Variants in PCDHGC3 observed in about 807,000 individuals in gnomAD.
PCDHGC3 encodes the protein protocadherin gamma subfamily C, 3.
A neutral mutation model predicts 59.2 loss-of-function variants in PCDHGC3; 26 were observed. That is an observed-to-expected ratio of 0.44 (90% confidence interval 0.32 to 0.61). PCDHGC3 has a LOEUF of 0.61. Ranked by LOEUF, PCDHGC3 falls within the 20% of genes least tolerant of loss-of-function variation. The probability of loss-of-function intolerance (pLI) is 0.05; values close to 1 mark genes in which losing one functional copy is unlikely to be tolerated. For synonymous variants in PCDHGC3, 487 were observed against 519.7 expected (o/e 0.94, Z 0.86); for missense variants, 1,080 against 1,221.8 (o/e 0.88, Z 1.73).
At chr5:141,510,844 C>A in intron 3 of PCDHGC3, 103 bp from the exon 4 acceptor site, 1 of 1,592,684 alleles carries the variant, frequency 6.3e-7, no homozygotes, top group South Asian at 1.1e-5. Context: ...GTGGTCAAGG[C>A]CCAGGGTGCT....
rs754299511 is a variant in PCDHGC3 at position 141,476,353 on chromosome 5, G to A, written c.237G>A (p.Val79=). 4 of 1,614,202 alleles carry A rather than the reference G, an allele frequency of 2.5e-6. No individual in the cohort carries two copies. Among genetic ancestry groups the A allele is most frequent in the South Asian group, 1.1e-5 (1 of 91,082 alleles). Residue 79 remains valine, a synonymous_variant, in exon 1 of 4, where the codon GTG becomes GTA. Coordinates refer to ENST00000308177, the MANE Select transcript of PCDHGC3 (RefSeq NM_002588.4). The surrounding 1 kb of genome is among the most constrained non-coding windows in gnomAD (Gnocchi z 7.6). The stretch of plus-strand genomic sequence containing the variant: ...GAGCTAGCCGAAGATTCTTTGAGGT[G>A]AACCGGGAGACCGGAGAGATGTTTG... ...VSGASRRFFE[V]NRETGEMFVN...
chr5:141,490,565 T>C lies in PCDHGC3; in HGVS notation c.2431-4242T>C. ...CTACACAAACATCTCACCATCAGGC[T>C]CAACATTTCAGATGTCAATGACAAT... On this transcript the variant is annotated intron_variant, in intron 1 of 3. Coordinates refer to ENST00000308177, the MANE Select transcript of PCDHGC3 (RefSeq NM_002588.4). This position sits in a 1 kb window ranked among gnomAD's most constrained non-coding sequence, Gnocchi z 5.4. 8 of 1,614,116 alleles carry C rather than the reference T, an allele frequency of 5.0e-6. No individual in the cohort carries two copies. Among genetic ancestry groups the C allele is most frequent in the Non-Finnish European group, 6.8e-6 (8 of 1,180,024 alleles).
Position 141,510,964 on chromosome 5 carries a change from T to C in PCDHGC3, c.2596T>C (p.Ser866Pro), listed in dbSNP as rs1237904575. 6.2e-7 allele frequency: 1 copy of C among 1,614,084 alleles called. No individual in the cohort carries two copies. Among genetic ancestry groups the C allele is most frequent in the South Asian group, 1.1e-5 (1 of 91,082 alleles). The change falls in exon 4 of 4, where the codon TCC becomes CCC. Residue 866 changes from serine to proline, a missense_variant. Coordinates refer to ENST00000308177, the MANE Select transcript of PCDHGC3 (RefSeq NM_002588.4). ...CTCTGCAGAAGCTGCTGATGGGAGC[T>C]CCACCCTGGGAGGGGGTGCCGGCAC... is the stretch of plus-strand genomic sequence containing the variant. The part of the protein sequence containing the change: ...ASASEAADGS[S>P]TLGGGAGTMG...
In PCDHGC3 at chr5:141,490,113, C is replaced by G. The variant is rs2099696295; in HGVS notation, c.2431-4694C>G. Reference sequence around the variant, plus strand: ...ACCACACATCTGAGGCAGTGCGGAACCTCTTTGGCCTAGACCCTAGCAGTG... The same window carrying G: ...ACCACACATCTGAGGCAGTGCGGAAGCTCTTTGGCCTAGACCCTAGCAGTG... On this transcript the variant is annotated intron_variant, in intron 1 of 3. Transcript: ENST00000308177. This position sits in a 1 kb window ranked among gnomAD's most constrained non-coding sequence, Gnocchi z 5.4. 1 of 1,614,258 alleles carries G rather than the reference C, an allele frequency of 6.2e-7. No individual in the cohort carries two copies.
rs1393603398 is a variant in PCDHGC3, at chr5:141,478,198, A to G, written c.2082A>G (p.Leu694=). ...AGAAAAAAAATCTCACCTTTTATCT[A>G]CTTCTTTCTCTAATCCTGGTTTCTG... The part of the protein sequence containing the change: ...REQKKNLTFY[L]LLSLILVSVG... Residue 694 remains leucine (L), a synonymous_variant, in exon 1 of 4, where the codon CTA becomes CTG. Coordinates refer to ENST00000308177, the MANE Select transcript of PCDHGC3 (RefSeq NM_002588.4). 1 of 1,613,864 alleles carries G rather than the reference A, an allele frequency of 6.2e-7. No individual in the cohort carries two copies. Among genetic ancestry groups the G allele is most frequent in the East Asian group, 2.2e-5 (1 of 44,870 alleles).
chr5:141,490,993 C>G lies in PCDHGC3; in HGVS notation c.2431-3814C>G, dbSNP rs746618787. 1.9e-6 allele frequency: 3 copies of G among 1,614,140 alleles called. No individual in the cohort carries two copies. Among genetic ancestry groups the G allele is most frequent in the Non-Finnish European group, 2.5e-6 (3 of 1,180,030 alleles). On this transcript the variant is annotated intron_variant, in intron 1 of 3. Coordinates refer to ENST00000308177, the MANE Select transcript of PCDHGC3 (RefSeq NM_002588.4). The surrounding 1 kb of genome is among the most constrained non-coding windows in gnomAD (Gnocchi z 5.4). ...CCAGCGTCTCCCTCGCTCTGCTCCT[C>G]CTGGCTCCTTGGTCACCAAGGTGAC...
At chr5:141,508,383 T>C (rs1169318572) in intron 3 of PCDHGC3, 1 of 152,236 alleles carries the variant, frequency 6.6e-6, no homozygotes, top group Non-Finnish European at 1.5e-5. Flanking sequence ...CTCAGATTTA[T>C]AGATGGGAAA....
In PCDHGC3 at chr5:141,486,077, C is replaced by T; in HGVS notation, c.2430+7531C>T. 6.2e-7 allele frequency: 1 copy of T among 1,614,186 alleles called. No individual in the cohort carries two copies. The highest frequency in any genetic ancestry group is 8.5e-7 in the Non-Finnish European group (1 of 1,180,024). ...TAGCCTGCACCCCACTACTGGAAAG[C>T]TTACTCTTTTGGGGCCCCTAGACTT... On this transcript the variant is annotated intron_variant, in intron 1 of 3. Coordinates refer to ENST00000308177, the MANE Select transcript of PCDHGC3 (RefSeq NM_002588.4). The surrounding 1 kb of genome is among the most constrained non-coding windows in gnomAD (Gnocchi z 5.0).
chr5:141,490,062 C>A lies in PCDHGC3; in HGVS notation c.2431-4745C>A, dbSNP rs758715682. 6.2e-7 allele frequency: 1 copy of A among 1,614,218 alleles called. No homozygotes were observed. The highest frequency in any genetic ancestry group is 1.1e-5 in the South Asian group (1 of 91,082). ...CCACTGATCCAGACGAGGGCACCAA[C>A]GGCCAACTAGACTATTCTTTTGGAG... On this transcript the variant is annotated intron_variant, in intron 1 of 3. Coordinates refer to ENST00000308177, the MANE Select transcript of PCDHGC3 (RefSeq NM_002588.4). The surrounding 1 kb of genome is among the most constrained non-coding windows in gnomAD (Gnocchi z 5.4).
At chr5:141,484,872 G>T in intron 1 of PCDHGC3, 1 of 319,608 alleles carries the variant, frequency 3.1e-6, no homozygotes, top group Non-Finnish European at 5.8e-6. Context: ...GGAGCGTGGA[G>T]GATAGGGTGG....
intron 1 of PCDHGC3, among the ~76,000 whole-genome samples, chr5:141,481,556 G>T (rs553126587): frequency 6.6e-6 from 1 of 152,148 alleles, no homozygotes; most frequent in African/African-American, 2.4e-5. Flanking sequence ...AGTGGCTCAC[G>T]CCTGTAATCC....
intron 3 of PCDHGC3, among the ~76,000 whole-genome samples, chr5:141,509,049 C>G (rs1384134813): frequency 3.3e-5 from 5 of 152,150 alleles, no homozygotes; most frequent in Non-Finnish European, 5.9e-5. Context: ...TCCCCCGCCC[C>G]CAGAAAGCTC....
In PCDHGC3 at chr5:141,486,070, T is replaced by G; in HGVS notation, c.2430+7524T>G. The G allele has an allele frequency of 6.2e-7, 1 of 1,614,158 alleles. No individual in the cohort carries two copies. Among genetic ancestry groups the G allele is most frequent in the Non-Finnish European group, 8.5e-7 (1 of 1,180,010 alleles). On this transcript the variant is annotated intron_variant, in intron 1 of 3. Coordinates refer to ENST00000308177, the MANE Select transcript of PCDHGC3 (RefSeq NM_002588.4). This position sits in a 1 kb window ranked among gnomAD's most constrained non-coding sequence, Gnocchi z 5.0. ...ACCTCTTTAGCCTGCACCCCACTAC[T>G]GGAAAGCTTACTCTTTTGGGGCCCC...
chr5:141,486,019 T>C lies in PCDHGC3; in HGVS notation c.2430+7473T>C, dbSNP rs2078071. 3.2e-3 allele frequency: 5,143 copies of C among 1,613,986 alleles called. 141 individuals carry two copies. In the South Asian group the frequency reaches 0.046, roughly 14 times the overall value. ...GTGGTAACGTCACCTTTTATTTCAG[T>C]GGTCATACCCCTGATCGTGTAAGAA... On this transcript the variant is annotated intron_variant, in intron 1 of 3. Transcript: ENST00000308177. The surrounding 1 kb of genome is among the most constrained non-coding windows in gnomAD (Gnocchi z 5.0).
chr5:141,485,358 G>T lies in PCDHGC3; in HGVS notation c.2430+6812G>T. 1.2e-6 allele frequency: 2 copies of T among 1,614,100 alleles called. No individual in the cohort carries two copies. Among genetic ancestry groups the T allele is most frequent in the Non-Finnish European group, 1.7e-6 (2 of 1,180,006 alleles). On this transcript the variant is annotated intron_variant, in intron 1 of 3. Coordinates refer to ENST00000308177, the MANE Select transcript of PCDHGC3 (RefSeq NM_002588.4). This position sits in a 1 kb window ranked among gnomAD's most constrained non-coding sequence, Gnocchi z 5.7. ...CTGGATACGGACAGTCTGTCAGCTC[G>T]CAGGCTGCAGGTCGCTGGAGAGGTG...
At chr5:141,498,137 G>T (rs1319960274) in intron 2 of PCDHGC3, among the ~76,000 whole-genome samples, 1 of 152,204 alleles carries the variant, frequency 6.6e-6, no homozygotes, top group Non-Finnish European at 1.5e-5. Context: ...GGAGCAGGAG[G>T]ACATCCTGGA....
At position 141,476,791 on chromosome 5, in the gene PCDHGC3, C is replaced by A. The variant is rs766227340; in HGVS notation, c.675C>A (p.Ser225=). 1 of 1,613,512 alleles carries A rather than the reference C, an allele frequency of 6.2e-7. No individual in the cohort carries two copies. Among genetic ancestry groups the A allele is most frequent in the Non-Finnish European group, 8.5e-7 (1 of 1,180,014 alleles). Residue 225 remains serine (S), a synonymous_variant, in exon 1 of 4, where the codon TCC becomes TCA. Transcript: ENST00000308177. This position sits in a 1 kb window ranked among gnomAD's most constrained non-coding sequence, Gnocchi z 7.6. ...TGGACGGAGGGACCCCAGCTCTCTC[C>A]GCCAGCCTGCCTATTCACATCAAGG... The part of the protein sequence containing the change: ...TALDGGTPAL[S]ASLPIHIKVL...
intron 3 of PCDHGC3, among the ~76,000 whole-genome samples, chr5:141,505,995 C>T (rs1041284805): frequency 5.3e-5 from 8 of 152,142 alleles, no homozygotes; most frequent in African/African-American, 1.4e-4. Flanking sequence ...CCTCTTTATG[C>T]GAGGCTCCTC....
rs1267722283 is a variant in PCDHGC3 at position 141,493,105 on chromosome 5, G to A, written c.2431-1702G>A. Reference sequence around the variant, plus strand: ...GAGCTTTTATTCAAAATATATCAATGCCTAACTCTGCTCCTAGGACTGTAT... The same window carrying A: ...GAGCTTTTATTCAAAATATATCAATACCTAACTCTGCTCCTAGGACTGTAT... On this transcript the variant is annotated intron_variant, in intron 1 of 3. Coordinates refer to ENST00000308177, the MANE Select transcript of PCDHGC3 (RefSeq NM_002588.4). This position sits in a 1 kb window ranked among gnomAD's most constrained non-coding sequence, Gnocchi z 4.3. Among the ~76,000 whole-genome samples, 1 of 152,076 alleles carries A rather than the reference G, an allele frequency of 6.6e-6. No homozygotes were observed. Among genetic ancestry groups the A allele is most frequent in the Non-Finnish European group, 1.5e-5 (1 of 67,994 alleles).
Sources: gnomAD v4.1 joint callset for allele counts (sites outside exome capture counted in the v4.1 genomes callset) on GRCh38, gnomAD v4.1.1 for gene constraint, Gnocchi (gnomAD v3.1) non-coding constraint, MANE v1.5 for transcripts, NCBI Gene and HGNC (gene_info 2026-07-23, HGNC 2026-07-21) for gene names.